The following MRTFB variants were observed in gnomAD, a reference collection of about 807,000 sequenced individuals.
MRTFB encodes the protein myocardin related transcription factor B.
MRTFB carries 29 observed loss-of-function variants against 104.2 expected under a neutral mutation model. The ratio of observed to expected loss-of-function variants is 0.28; its 90% CI spans 0.21 to 0.38. The LOEUF is 0.38. MRTFB is among the 10% of genes least tolerant of loss of function. The pLI, the probability that MRTFB is intolerant of heterozygous loss-of-function variation, is 1.00. For missense variants in MRTFB, 1,270 were observed against 1,341.6 expected, an observed-to-expected ratio of 0.95 and a Z score of 0.83; for synonymous variants, 535 against 519.5, an observed-to-expected ratio of 1.03 and a Z score of -0.41.
intron 3 of MRTFB, chr16:14,186,797 T>C (rs1413217356): frequency 1.5e-5 from 24 of 1,552,344 alleles, no homozygotes; most frequent in Non-Finnish European, 2.1e-5. Flanking sequence ...GTGATTGGGG[T>C]ATTGTGGGGA....
intron 3 of MRTFB, chr16:14,191,895 C>T (rs1255758048): frequency 6.6e-6 from 1 of 151,992 alleles, no homozygotes; most frequent in Admixed American, 6.6e-5. Flanking sequence ...TTTCTGATTG[C>T]TGCTTCTAAC....
chr16:14,118,290 C>G (rs2036650241), intron 2 of MRTFB, among the ~76,000 whole-genome samples: 1 of 151,852 alleles, frequency 6.6e-6, no homozygotes, highest in Non-Finnish European at 1.5e-5. Context: ...GCACACGCCA[C>G]CACACCCAGC....
chr16:14,220,178 C>A (rs1307162982), intron 8 of MRTFB, among the ~76,000 whole-genome samples: 1 of 152,142 alleles, frequency 6.6e-6, no homozygotes, highest in Non-Finnish European at 1.5e-5. Flanking sequence ...AGGCAGAAAG[C>A]GAGAGCAAGG....
chr16:14,031,688 G>T, the MRTFB span, among the ~76,000 whole-genome samples: 3 of 152,184 alleles, frequency 2.0e-5, no homozygotes, highest in Non-Finnish European at 4.4e-5. Flanking sequence ...AGCAAAAGGA[G>T]CATCATGTGT....
chr16:14,247,607 C>A, intron 12 of MRTFB, 100 bp downstream of exon 12: 1 of 1,058,696 alleles, frequency 9.4e-7, no homozygotes, highest in Non-Finnish European at 1.3e-6. Context: ...TAAATGCGTC[C>A]AGAGCAGACC....
At chr16:14,165,977 G>GT (rs2039222530) in intron 3 of MRTFB, among the ~76,000 whole-genome samples, 1 of 152,204 alleles carries the variant, frequency 6.6e-6, no homozygotes, top group Admixed American at 6.5e-5. Context: ...AGAGCCATAT[G>GT]TTTCTATTTC....
rs1418606322 is a variant in MRTFB at position 14,247,374 on chromosome 16, A to G, written c.2114A>G (p.Gln705Arg). Reference sequence around the variant, plus strand: ...CAGTTTTATGTGAGTTCCCAGGGACAGCCACCGCCTGCTGTTGTTGCTCAG... The same window carrying G: ...CAGTTTTATGTGAGTTCCCAGGGACGGCCACCGCCTGCTGTTGTTGCTCAG... ...VSQFYVSSQG[Q>R]PPPAVVAQPQ... The change falls in exon 12 of 17, where the codon CAG (glutamine) becomes CGG (arginine). Residue 705 changes from glutamine (Q) to arginine (R), a missense_variant. This residue lies in a region of MRTFB where 1,144 missense variants were observed against 1,131.5 expected (regional missense o/e 1.01). Coordinates refer to ENST00000571589, the MANE Select transcript of MRTFB (RefSeq NM_001308142.2). The G allele has an allele frequency of 6.2e-7, 1 of 1,614,092 alleles. No homozygotes were observed. Among genetic ancestry groups the G allele is most frequent in the African/African-American group, 1.3e-5 (1 of 75,056 alleles).
chr16:14,039,951 T>C, the MRTFB span, among the ~76,000 whole-genome samples: 1 of 152,128 alleles, frequency 6.6e-6, no homozygotes, highest in Non-Finnish European at 1.5e-5. Flanking sequence ...TTTCTCTATG[T>C]TGGTCAGGCT....
chr16:14,083,222 G>A (rs2034511843), intron 2 of MRTFB, among the ~76,000 whole-genome samples: 1 of 151,442 alleles, frequency 6.6e-6, no homozygotes, highest in African/African-American at 2.4e-5. Context: ...CAACTTTATT[G>A]AATTCATTTA....
intron 2 of MRTFB, among the ~76,000 whole-genome samples, chr16:14,101,120 A>T (rs935808785): frequency 1.5e-5 from 2 of 137,438 alleles, no homozygotes; most frequent in Non-Finnish European, 3.1e-5. Flanking sequence ...ACACATAATT[A>T]TGTAGGGTTT....
the MRTFB span, among the ~76,000 whole-genome samples, chr16:14,029,907 C>T: frequency 7.1e-3 from 1,078 of 152,080 alleles, 9 homozygotes; most frequent in African/African-American, 0.023. Context: ...GAACTGGGCC[C>T]CAGCGTTCCA....
chr16:14,225,016 G>C (rs1168576086), intron 8 of MRTFB, among the ~76,000 whole-genome samples: 1 of 152,062 alleles, frequency 6.6e-6, no homozygotes, highest in Non-Finnish European at 1.5e-5. Flanking sequence ...GAGAAACCCT[G>C]TCTCTACTAA....
At chr16:14,253,890 G>A (rs2043361102) in intron 15 of MRTFB, among the ~76,000 whole-genome samples, 1 of 152,194 alleles carries the variant, frequency 6.6e-6, no homozygotes, top group Admixed American at 6.5e-5. Flanking sequence ...TCAAACAGGT[G>A]GTGCTGGACT....
At chr16:14,016,627 G>T in the MRTFB span, among the ~76,000 whole-genome samples, 1 of 152,006 alleles carries the variant, frequency 6.6e-6, no homozygotes, top group African/African-American at 2.4e-5. Flanking sequence ...ACAAAAATTA[G>T]CCAGGAGTGG....
At chr16:14,042,056 T>C in the MRTFB span, among the ~76,000 whole-genome samples, 2 of 152,220 alleles carry the variant, frequency 1.3e-5, no homozygotes, top group African/African-American at 4.8e-5. Flanking sequence ...TGACCCATCT[T>C]GTATTCCCAC....
In MRTFB at chr16:14,251,917, C is replaced by A. The variant is rs2043272220; in HGVS notation, c.2459C>A (p.Ala820Asp). 2 of 1,614,170 alleles carry A rather than the reference C, an allele frequency of 1.2e-6. No homozygotes were observed. The highest frequency in any genetic ancestry group is 1.7e-6 in the Non-Finnish European group (2 of 1,180,010). Residue 820 changes from alanine to aspartate, a missense_variant, in exon 14 of 17, where the codon GCC becomes GAC. Ala to Asp is a moderately radical substitution (Grantham distance 126). Transcript: ENST00000571589. ...GTTCTTCCATATCAGAGACATCCTG[C>A]CCCAGCTGTCCAGCAGCCCTTTATC... ...NTVLPYQRHP[A>D]PAVQQPFINK...
intron 3 of MRTFB, among the ~76,000 whole-genome samples, chr16:14,209,992 T>C (rs1228874034): frequency 6.6e-6 from 1 of 152,226 alleles, no homozygotes; most frequent in East Asian, 1.9e-4. Flanking sequence ...AAACAACAAA[T>C]ACATAGCTTT....
intron 9 of MRTFB, among the ~76,000 whole-genome samples, chr16:14,237,763 T>A (rs1234155090): frequency 2.0e-5 from 3 of 152,014 alleles, no homozygotes; most frequent in Admixed American, 2.0e-4. Flanking sequence ...AGGCAGGCAC[T>A]CAGCTCTGTG....
At chr16:14,077,726 C>T (rs756994026) in intron 1 of MRTFB, among the ~76,000 whole-genome samples, 7 of 152,116 alleles carry the variant, frequency 4.6e-5, no homozygotes, top group Non-Finnish European at 8.8e-5. Flanking sequence ...AAAGAGAAAA[C>T]GTGTGAAACT....
Sources: gnomAD v4.1 joint callset for allele counts (sites outside exome capture counted in the v4.1 genomes callset) on GRCh38, gnomAD v4.1.1 for gene constraint, gnomAD v4.1.1 regional missense constraint, MANE v1.5 for transcripts, NCBI Gene and HGNC (gene_info 2026-07-23, HGNC 2026-07-21) for gene names.